ERG: variants seen among roughly 807,000 people sequenced by gnomAD.
ERG encodes the protein ETS transcription factor ERG, also known as transcriptional regulator ERG.
A neutral mutation model predicts 55.3 loss-of-function variants in ERG; 9 were observed. The ratio of observed to expected loss-of-function variants is 0.16; its 90% CI spans 0.10 to 0.28. ERG has a LOEUF of 0.28. ERG is among the 10% of genes least tolerant of loss of function. The probability of loss-of-function intolerance (pLI) is 1.00; values close to 1 mark genes in which losing one functional copy is unlikely to be tolerated. For synonymous variants in ERG, 223 were observed against 237.3 expected (o/e 0.94, Z 0.55); for missense variants, 434 against 631.6 (o/e 0.69, Z 3.35).
chr21:38,491,661 T>C (rs2059337171), intron 1 of ERG, among the ~76,000 whole-genome samples: 1 of 152,218 alleles, frequency 6.6e-6, no homozygotes, highest in Non-Finnish European at 1.5e-5. Flanking sequence ...AACAGCAGAT[T>C]ACCGTTCTTC....
intron 4 of ERG, 125 bp downstream of exon 4, chr21:38,403,381 G>T (rs2146456055): frequency 1.1e-6 from 1 of 884,464 alleles, no homozygotes; most frequent in East Asian, 2.6e-5. Flanking sequence ...GGCTCCCTCG[G>T]ATCCCCAGTG....
chr21:38,602,060 C>T (rs1477468879), intron 1 of ERG, among the ~76,000 whole-genome samples: 2 of 152,160 alleles, frequency 1.3e-5, no homozygotes, highest in East Asian at 1.9e-4. Context: ...TTTTTACCTG[C>T]TCTTTGCATG....
At chr21:38,527,267 G>A (rs867834661) in intron 2 of ERG, among the ~76,000 whole-genome samples, 1 of 152,168 alleles carries the variant, frequency 6.6e-6, no homozygotes, top group Admixed American at 6.5e-5. Context: ...GAAGGCCAGC[G>A]CTATTCCAAG....
rs1330503304 is a variant in ERG, at chr21:38,429,531, GTACATA to G, written c.237-5976_237-5971del. On this transcript the variant is annotated intron_variant, in intron 2 of 9. Coordinates refer to ENST00000288319, the MANE Select transcript of ERG (RefSeq NM_182918.4). The stretch of plus-strand genomic sequence containing the variant: ...TATGTGTATATACATGTATGCACAT[GTACATA>G]TATACATATGTGTATATGTACATGT... Among the ~76,000 whole-genome samples the G allele has an allele frequency of 8.8e-4, 91 of 103,624 alleles. 3 individuals are homozygous for G. The highest frequency in any genetic ancestry group is 3.1e-3 in the Admixed American group (33 of 10,660). The allele number at this position is 103,624 out of a possible 152,430, so 68.0% of individuals were successfully genotyped here.
At chr21:38,477,153 G>A (rs927249273) in intron 1 of ERG, among the ~76,000 whole-genome samples, 1 of 151,510 alleles carries the variant, frequency 6.6e-6, no homozygotes, top group Non-Finnish European at 1.5e-5. Flanking sequence ...AGCTGGGACC[G>A]CAGGCGAAGG....
At chr21:38,599,802 G>A (rs989951941) in intron 1 of ERG, among the ~76,000 whole-genome samples, 34 of 152,250 alleles carry the variant, frequency 2.2e-4, no homozygotes, top group Non-Finnish European at 4.8e-4. Flanking sequence ...GGGACAGGAA[G>A]GAGCTATCAG....
In ERG at chr21:38,381,459, C is replaced by T; in HGVS notation, c.*1944G>A. ...ACATCAGGCTCAGGGCTAGTGAATC[C>T]CAAGCCACAGTGCCCAGGTAACTCT... On this transcript the variant is annotated 3_prime_UTR_variant, in exon 10 of 10. Transcript: ENST00000288319. 9.4e-7 allele frequency: 1 copy of T among 1,062,994 alleles called. No individual in the cohort carries two copies. The highest frequency in any genetic ancestry group is 1.1e-6 in the Non-Finnish European group (1 of 877,882). 65.8% of individuals were successfully genotyped at this position (1,062,994 alleles called of 1,614,324 possible). A position where few individuals can be genotyped will look rare whatever the true frequency, so the allele number is the denominator to read the frequency against.
chr21:38,649,548 G>A (rs1262711218), intron 1 of ERG, among the ~76,000 whole-genome samples: 1 of 152,198 alleles, frequency 6.6e-6, no homozygotes, highest in East Asian at 1.9e-4. Flanking sequence ...CATGTTCACT[G>A]AACGTAACCT....
chr21:38,474,430 G>A (rs2059168871), intron 1 of ERG, among the ~76,000 whole-genome samples: 1 of 152,208 alleles, frequency 6.6e-6, no homozygotes, highest in Admixed American at 6.5e-5. Flanking sequence ...GTCCTGATGA[G>A]TGCCCTGGAG....
intron 1 of ERG, among the ~76,000 whole-genome samples, chr21:38,632,869 G>A (rs1237289410): frequency 1.3e-5 from 2 of 152,160 alleles, no homozygotes; most frequent in Non-Finnish European, 2.9e-5. Context: ...ATGCTGTGTG[G>A]TCCAGAAATC....
the ERG span, among the ~76,000 whole-genome samples, chr21:38,374,759 G>A: frequency 1.3e-5 from 2 of 152,058 alleles, no homozygotes; most frequent in African/African-American, 4.8e-5. Flanking sequence ...GATGCCCCAA[G>A]CCCCACTCCT....
intron 1 of ERG, among the ~76,000 whole-genome samples, chr21:38,591,090 G>A (rs1009155954): frequency 6.6e-6 from 1 of 152,192 alleles, no homozygotes; most frequent in African/African-American, 2.4e-5. Context: ...AAGAACACAA[G>A]GAGGAGCAGT....
intron 1 of ERG, among the ~76,000 whole-genome samples, chr21:38,479,914 A>T (rs1269283048): frequency 6.6e-6 from 1 of 152,182 alleles, no homozygotes; most frequent in East Asian, 1.9e-4. Context: ...GTAAGTACAG[A>T]ACTTTCACCT....
intron 1 of ERG, among the ~76,000 whole-genome samples, chr21:38,476,447 G>T (rs114347183): frequency 6.6e-6 from 1 of 152,126 alleles, no homozygotes; most frequent in African/African-American, 2.4e-5. Context: ...ACACCACTCC[G>T]CATTGTTTCA....
upstream of ERG, among the ~76,000 whole-genome samples, chr21:38,499,161 A>G (rs2052780331): frequency 6.6e-6 from 1 of 152,250 alleles, no homozygotes; most frequent in Admixed American, 6.5e-5. Flanking sequence ...TCTTGTTTTC[A>G]AGTATTTATT....
chr21:38,389,919 A>G (rs1680449710), intron 9 of ERG, among the ~76,000 whole-genome samples: 1 of 152,242 alleles, frequency 6.6e-6, no homozygotes, highest in Non-Finnish European at 1.5e-5. Flanking sequence ...TTCAATAATG[A>G]TAACATTTCG....
chr21:38,463,825 G>A (rs2059064743), intron 1 of ERG, among the ~76,000 whole-genome samples: 1 of 152,212 alleles, frequency 6.6e-6, no homozygotes, highest in Non-Finnish European at 1.5e-5. Flanking sequence ...CCACAGGCCT[G>A]GGATGCCCCG....
chr21:38,591,832 A>C (rs1333450917), intron 1 of ERG, among the ~76,000 whole-genome samples: 1 of 152,274 alleles, frequency 6.6e-6, no homozygotes, highest in Non-Finnish European at 1.5e-5. Flanking sequence ...GCACTAGTGC[A>C]CAAGACTCAG....
At chr21:38,601,006 G>A (rs987105708) in intron 1 of ERG, among the ~76,000 whole-genome samples, 11 of 151,980 alleles carry the variant, frequency 7.2e-5, no homozygotes, top group African/African-American at 2.7e-4. Context: ...TTTCTCTCTG[G>A]GCATTACAAT....
Sources: allele counts gnomAD v4.1 joint callset (sites outside exome capture counted in the v4.1 genomes callset), GRCh38; gene constraint gnomAD v4.1.1; transcripts MANE v1.5; gene names NCBI Gene and HGNC (gene_info 2026-07-23, HGNC 2026-07-21).